The following PHF24 variants were observed in gnomAD, a reference collection of about 807,000 sequenced individuals.
The protein encoded by PHF24 is PHD finger protein 24.
PHF24 carries 25 observed loss-of-function variants against 42.6 expected under a neutral mutation model. The ratio of observed to expected loss-of-function variants is 0.59; its 90% CI spans 0.43 to 0.82. The LOEUF is 0.82. Among genes scored for constraint, PHF24 ranks in the 40% least tolerant of loss-of-function variants. PHF24 has a pLI of 0.00. For synonymous variants in PHF24, 185 were observed against 204.8 expected (o/e 0.90, Z 0.83); for missense variants, 470 against 538.1 (o/e 0.87, Z 1.25).
At chr9:34,965,523 T>G (rs1826737339) in intron 1 of PHF24, among the ~76,000 whole-genome samples, 1 of 152,270 alleles carries the variant, frequency 6.6e-6, no homozygotes. Context: ...TTTGTTTTTA[T>G]GTTTGTTTTG....
the PHF24 span, among the ~76,000 whole-genome samples, chr9:34,788,703 T>C: frequency 3.3e-5 from 5 of 152,086 alleles, no homozygotes; most frequent in Non-Finnish European, 7.4e-5. Flanking sequence ...AGTAGGCAGA[T>C]AGCCAGACAT....
chr9:34,958,315 G>T (rs1391972029), upstream of PHF24: 2 of 151,118 alleles, frequency 1.3e-5, no homozygotes, highest in African/African-American at 2.4e-5. This position sits in a 1 kb window ranked among gnomAD's most constrained non-coding sequence, Gnocchi z 4.5. Context: ...CCAGCACGCC[G>T]GCTCTCGGGC....
chr9:34,861,844 A>G, the PHF24 span, among the ~76,000 whole-genome samples: 10 of 152,232 alleles, frequency 6.6e-5, no homozygotes, highest in African/African-American at 2.2e-4. Flanking sequence ...CCCATAGGTT[A>G]AGGCATCACT....
chr9:34,848,000 G>T, the PHF24 span, among the ~76,000 whole-genome samples: 1 of 152,080 alleles, frequency 6.6e-6, no homozygotes, highest in Non-Finnish European at 1.5e-5. Flanking sequence ...GATTCGGTTT[G>T]CCAGTATTTT....
At chr9:34,740,604 C>T in the PHF24 span, among the ~76,000 whole-genome samples, 8 of 152,188 alleles carry the variant, frequency 5.3e-5, no homozygotes, top group Non-Finnish European at 8.8e-5. Flanking sequence ...CCCCGGTTCC[C>T]GCTGGCGCCT....
the PHF24 span, among the ~76,000 whole-genome samples, chr9:34,939,821 G>A: frequency 6.6e-6 from 1 of 152,112 alleles, no homozygotes; most frequent in Admixed American, 6.5e-5. Context: ...AACTTAGAAG[G>A]GCCAGGTTAG....
chr9:34,859,529 G>C, the PHF24 span, among the ~76,000 whole-genome samples: 1 of 152,090 alleles, frequency 6.6e-6, no homozygotes, highest in African/African-American at 2.4e-5. Flanking sequence ...CTGTTTTCCA[G>C]ATCTCCTATA....
the PHF24 span, chr9:34,729,477 C>A: frequency 2.0e-6 from 3 of 1,517,156 alleles, no homozygotes; most frequent in South Asian, 1.3e-5. Flanking sequence ...TCTCGGAATT[C>A]AGGGTTCTGG....
chr9:34,733,383 A>G, the PHF24 span, among the ~76,000 whole-genome samples: 2 of 152,168 alleles, frequency 1.3e-5, no homozygotes, highest in Non-Finnish European at 2.9e-5. Context: ...TTATATATGT[A>G]TCAGAAATAC....
At chr9:34,754,465 GAATGAA>G in the PHF24 span, among the ~76,000 whole-genome samples, 228 of 152,132 alleles carry the variant, frequency 1.5e-3, no homozygotes, top group East Asian at 8.3e-3. Context: ...AAACCTATCT[GAATGAA>G]AATGAAAATG....
the PHF24 span, among the ~76,000 whole-genome samples, chr9:34,773,247 C>G: frequency 6.6e-6 from 1 of 152,172 alleles, no homozygotes; most frequent in African/African-American, 2.4e-5. Context: ...ATCTTGGCCT[C>G]CCAAAGTGCT....
chr9:34,909,721 A>C, the PHF24 span, among the ~76,000 whole-genome samples: 1 of 150,996 alleles, frequency 6.6e-6, no homozygotes, highest in Non-Finnish European at 1.5e-5. Flanking sequence ...TCCCGGGCTC[A>C]CGCCATTCTC....
chr9:34,915,106 C>T, the PHF24 span, among the ~76,000 whole-genome samples: 1 of 141,876 alleles, frequency 7.0e-6, no homozygotes, highest in Non-Finnish European at 1.5e-5. Flanking sequence ...GATCACAGCT[C>T]ACTGCAGCCT....
At chr9:34,729,508 T>C in the PHF24 span, 3 of 1,442,224 alleles carry the variant, frequency 2.1e-6, no homozygotes, top group East Asian at 7.5e-5. Context: ...ATCCCAGTGC[T>C]AGGCCTTGTC....
chr9:34,761,204 C>G, the PHF24 span, among the ~76,000 whole-genome samples: 1 of 152,118 alleles, frequency 6.6e-6, no homozygotes, highest in African/African-American at 2.4e-5. Flanking sequence ...TCTCTCCTCT[C>G]TCAACTTCTG....
the PHF24 span, among the ~76,000 whole-genome samples, chr9:34,841,806 G>A: frequency 4.8e-3 from 727 of 152,294 alleles, no homozygotes; most frequent in Non-Finnish European, 6.9e-3. Flanking sequence ...GCAGTGAGCC[G>A]AGATTGCACC....
chr9:34,806,210 A>C, the PHF24 span, among the ~76,000 whole-genome samples: 1 of 152,002 alleles, frequency 6.6e-6, no homozygotes, highest in East Asian at 1.9e-4. Flanking sequence ...GGTCTCTTGC[A>C]ATTCTATATG....
exon 5 of PHF24, chr9:34,976,561 C>T (rs756625480): frequency 1.2e-6 from 2 of 1,613,860 alleles, no homozygotes; most frequent in Non-Finnish European, 1.7e-6. Flanking sequence ...GGAGGACTTT[C>T]TGCGTTACCG....
chr9:34,740,905 T>G, the PHF24 span, among the ~76,000 whole-genome samples: 144,862 of 150,558 alleles, frequency 0.96, 69,952 homozygotes, highest in East Asian at 1. Flanking sequence ...TTTTTTTGGT[T>G]ATGGAGTTCC....
Sources: gnomAD v4.1 joint callset for allele counts (sites outside exome capture counted in the v4.1 genomes callset) on GRCh38, gnomAD v4.1.1 for gene constraint, Gnocchi (gnomAD v3.1) non-coding constraint, MANE v1.5 for transcripts, NCBI Gene and HGNC (gene_info 2026-07-23, HGNC 2026-07-21) for gene names.